Variants in MACROD2 observed in about 807,000 individuals in gnomAD.
The protein encoded by MACROD2 is ADP-ribose glycohydrolase MACROD2.
Under a neutral mutation model 70.4 loss-of-function variants are expected in MACROD2, and 36 were observed. That is an observed-to-expected ratio of 0.51 (90% CI 0.39 to 0.68). The LOEUF is 0.68. Ranked by LOEUF, MACROD2 falls within the 30% of genes least tolerant of loss-of-function variation. The probability of loss-of-function intolerance (pLI) is 0.00; values close to 1 mark genes in which losing one functional copy is unlikely to be tolerated. For synonymous variants in MACROD2, 172 were observed against 178.8 expected, an observed-to-expected ratio of 0.96 and a Z score of 0.30; for missense variants, 496 against 538.4, an observed-to-expected ratio of 0.92 and a Z score of 0.78.
At chr20:14,049,623 G>A (rs1381264375) in intron 2 of MACROD2, among the ~76,000 whole-genome samples, 1 of 151,370 alleles carries the variant, frequency 6.6e-6, no homozygotes. Context: ...CTTGGTGGCG[G>A]GCACCTGTAA....
chr20:15,970,172 C>G lies in MACROD2; in HGVS notation c.985+2542C>G, dbSNP rs1276091281. On this transcript the variant is annotated intron_variant, in intron 13 of 17. Transcript: ENST00000684519. ...AAGGTTAATTAAGGACATTTTAGAC[C>G]AAAAAGAAAGGCACAGTTCATCACC... is the stretch of plus-strand genomic sequence containing the variant. Among the ~76,000 whole-genome samples, 5 of 151,994 alleles carry G rather than the reference C, an allele frequency of 3.3e-5. No homozygotes were observed. In the Middle Eastern group the frequency reaches 0.01, roughly 310 times the overall value.
At chr20:14,519,761 C>T (rs1456030299) in intron 4 of MACROD2, among the ~76,000 whole-genome samples, 1 of 152,122 alleles carries the variant, frequency 6.6e-6, no homozygotes, top group Non-Finnish European at 1.5e-5. Flanking sequence ...AAGACACATG[C>T]ATATGTATGT....
chr20:15,201,032 C>G (rs566496032), intron 5 of MACROD2, among the ~76,000 whole-genome samples: 1 of 151,922 alleles, frequency 6.6e-6, no homozygotes, highest in African/African-American at 2.4e-5. Context: ...CCCAAGATTT[C>G]GAATTCCCAA....
At chr20:15,638,810 G>C (rs1297776886) in intron 8 of MACROD2, among the ~76,000 whole-genome samples, 3 of 152,210 alleles carry the variant, frequency 2.0e-5, no homozygotes, top group African/African-American at 7.2e-5. Flanking sequence ...CACGGTTCAA[G>C]AGTTGATAAA....
At chr20:15,992,154 G>A (rs933979677) in intron 15 of MACROD2, among the ~76,000 whole-genome samples, 7 of 152,108 alleles carry the variant, frequency 4.6e-5, no homozygotes, top group Non-Finnish European at 8.8e-5. Flanking sequence ...GTGTATATGC[G>A]TAAAGTTAGA....
At chr20:14,532,003 G>T (rs1455915996) in intron 4 of MACROD2, among the ~76,000 whole-genome samples, 1 of 152,118 alleles carries the variant, frequency 6.6e-6, no homozygotes, top group Non-Finnish European at 1.5e-5. Flanking sequence ...ACATTCCAAT[G>T]AGTTTTGTTT....
At chr20:15,423,285 G>A (rs1246209775) in intron 6 of MACROD2, among the ~76,000 whole-genome samples, 1 of 152,136 alleles carries the variant, frequency 6.6e-6, no homozygotes, top group Non-Finnish European at 1.5e-5. Flanking sequence ...AGCTACATGA[G>A]GCGTGTTCTT....
rs140644521 is a variant in MACROD2, at chr20:15,057,046, G to A, written c.419-172894G>A. 2.3e-3 allele frequency among the ~76,000 whole-genome samples: 353 copies of A among 152,342 alleles called. 2 individuals are homozygous for A. Among genetic ancestry groups the A allele is most frequent in the African/African-American group, 8.1e-3 (337 of 41,584 alleles). On this transcript the variant is annotated intron_variant, in intron 5 of 17. Transcript: ENST00000684519. Reference sequence around the variant, plus strand: ...TGTCTCTGGAGAATTAAATGGAATTGAGGATGGGATATATGAGTCAGAGAC... The same window carrying A: ...TGTCTCTGGAGAATTAAATGGAATTAAGGATGGGATATATGAGTCAGAGAC...
chr20:15,404,984 A>G (rs2045979755), intron 6 of MACROD2, among the ~76,000 whole-genome samples: 1 of 152,230 alleles, frequency 6.6e-6, no homozygotes, highest in Non-Finnish European at 1.5e-5. Flanking sequence ...GTGCTACAAT[A>G]TGAGTGAACC....
At chr20:15,343,296 G>A (rs2078129893) in intron 6 of MACROD2, among the ~76,000 whole-genome samples, 1 of 152,148 alleles carries the variant, frequency 6.6e-6, no homozygotes, top group Non-Finnish European at 1.5e-5. Context: ...CTAACCAAAG[G>A]AAACCAAAGT....
intron 3 of MACROD2, among the ~76,000 whole-genome samples, chr20:14,233,367 AATGAG>A: frequency 6.6e-6 from 1 of 152,200 alleles, no homozygotes; most frequent in Middle Eastern, 3.4e-3. Context: ...AGCATAATAA[AATGAG>A]GTATGCCTGA....
At chr20:15,593,392 G>A (rs1185289068) in intron 8 of MACROD2, among the ~76,000 whole-genome samples, 1 of 152,168 alleles carries the variant, frequency 6.6e-6, no homozygotes, top group African/African-American at 2.4e-5. Flanking sequence ...TCCACTTGCA[G>A]AATTCGATTT....
chr20:14,634,494 T>G (rs2123478727), intron 4 of MACROD2, among the ~76,000 whole-genome samples: 1 of 152,332 alleles, frequency 6.6e-6, no homozygotes, highest in East Asian at 1.9e-4. Context: ...TGACTGTTTT[T>G]CATGCCTAAC....
At chr20:14,081,504 A>G (rs1481615198) in intron 2 of MACROD2, among the ~76,000 whole-genome samples, 1 of 152,218 alleles carries the variant, frequency 6.6e-6, no homozygotes, top group Non-Finnish European at 1.5e-5. Context: ...TTCAGCTTGC[A>G]ATTGTATAAA....
intron 3 of MACROD2, among the ~76,000 whole-genome samples, chr20:14,134,595 A>G (rs1246635884): frequency 6.6e-6 from 1 of 152,094 alleles, no homozygotes; most frequent in African/African-American, 2.4e-5. Context: ...TCATGAGTTC[A>G]GGAGATCAAG....
chr20:14,298,211 A>C (rs2122476578), intron 3 of MACROD2, among the ~76,000 whole-genome samples: 1 of 152,092 alleles, frequency 6.6e-6, no homozygotes, highest in South Asian at 2.1e-4. Flanking sequence ...CACACCTGCT[A>C]ATACAACATC....
chr20:15,346,682 G>A (rs112972131), intron 6 of MACROD2, among the ~76,000 whole-genome samples: 22 of 152,214 alleles, frequency 1.4e-4, no homozygotes, highest in African/African-American at 5.3e-4. Context: ...TTAGCAGAAG[G>A]ACATCATTTC....
chr20:14,420,802 C>T (rs2122893542), intron 3 of MACROD2, among the ~76,000 whole-genome samples: 1 of 152,290 alleles, frequency 6.6e-6, no homozygotes, highest in East Asian at 1.9e-4. Flanking sequence ...AGCAATCCTC[C>T]CACCTCAGCC....
intron 8 of MACROD2, among the ~76,000 whole-genome samples, chr20:15,817,838 G>T (rs41439350): frequency 0.13 from 19,572 of 152,172 alleles, 1,389 homozygotes; most frequent in Middle Eastern, 0.3. Flanking sequence ...AGAATAAAGC[G>T]TAGGTGCATC....
Sources: gnomAD v4.1 joint callset for allele counts (sites outside exome capture counted in the v4.1 genomes callset) on GRCh38, gnomAD v4.1.1 for gene constraint, MANE v1.5 for transcripts, NCBI Gene and HGNC (gene_info 2026-07-23, HGNC 2026-07-21) for gene names.